Variants in RIT2 observed in about 807,000 individuals in gnomAD.
RIT2 encodes GTP-binding protein Rit2.
In RIT2, 24 loss-of-function variants were observed where a neutral mutation model predicts 23.7. The observed-to-expected ratio is 1.01, with a 90% CI of 0.73 to 1.43. The LOEUF (loss-of-function observed/expected upper bound fraction) is 1.43. Ranked by LOEUF, RIT2 falls within the 40% of genes most tolerant of loss-of-function variation. The pLI is 0.00. For missense variants in RIT2, 236 were observed against 266.9 expected (o/e 0.88, Z 0.81); for synonymous variants, 107 against 91.1 (o/e 1.17, Z -0.99).
At chr18:42,849,785 C>A (rs1156646871) in intron 4 of RIT2, among the ~76,000 whole-genome samples, 3 of 152,040 alleles carry the variant, frequency 2.0e-5, no homozygotes, top group African/African-American at 7.2e-5. Context: ...TAACCCAATC[C>A]AGCTTGATGA....
chr18:42,929,034 G>GATAGATATATATATATAT (rs1555647354), intron 3 of RIT2, among the ~76,000 whole-genome samples: 5 of 96,954 alleles, frequency 5.2e-5, no homozygotes, highest in African/African-American at 1.6e-4. Context: ...AAAATATGGA[G>GATAGATATATATATATAT]ATATATATAT....
intron 1 of RIT2, among the ~76,000 whole-genome samples, chr18:43,056,210 A>G (rs942268579): frequency 1.3e-5 from 2 of 152,054 alleles, no homozygotes; most frequent in Admixed American, 1.3e-4. Flanking sequence ...ACAATACTAT[A>G]TTTAATATTT....
chr18:42,797,708 C>T (rs1396774850), intron 4 of RIT2, among the ~76,000 whole-genome samples: 1 of 151,950 alleles, frequency 6.6e-6, no homozygotes. Context: ...CCTCATTAGC[C>T]GAGTTCGACA....
At chr18:42,999,090 C>T (rs981823433) in intron 2 of RIT2, among the ~76,000 whole-genome samples, 86 of 151,982 alleles carry the variant, frequency 5.7e-4, no homozygotes, top group African/African-American at 1.9e-3. Context: ...ACCCCTTTCC[C>T]GTCTCGAAGA....
At chr18:43,065,475 G>C (rs1912751171) in intron 1 of RIT2, among the ~76,000 whole-genome samples, 1 of 151,736 alleles carries the variant, frequency 6.6e-6, no homozygotes, top group South Asian at 2.1e-4. Context: ...ATTTTTTTCT[G>C]TTTTTATTTT....
chr18:42,928,703 TTCTCAGTCTCAATCTG>T (rs1909246089), intron 3 of RIT2, among the ~76,000 whole-genome samples: 1 of 152,022 alleles, frequency 6.6e-6, no homozygotes, highest in Admixed American at 6.6e-5. Flanking sequence ...GAGTGGTAGT[TTCTCAGTCTCAATCTG>T]ATGCCTTAAA....
At chr18:43,001,629 T>C (rs556672167) in intron 2 of RIT2, among the ~76,000 whole-genome samples, 1 of 152,146 alleles carries the variant, frequency 6.6e-6, no homozygotes, top group African/African-American at 2.4e-5. Context: ...TAGTTGAAAC[T>C]AGAAATTGAA....
At chr18:42,946,542 AT>A (rs1568037016) in intron 3 of RIT2, among the ~76,000 whole-genome samples, 1 of 151,904 alleles carries the variant, frequency 6.6e-6, no homozygotes, top group African/African-American at 2.4e-5. Context: ...ATTCTGAGAG[AT>A]TTCAAGGGGT....
At chr18:42,820,135 C>G (rs1598667445) in intron 4 of RIT2, among the ~76,000 whole-genome samples, 1 of 152,124 alleles carries the variant, frequency 6.6e-6, no homozygotes. Context: ...TTTTGATCCA[C>G]TCTTGGCTGA....
At chr18:43,026,573 TA>T (rs749731254) in intron 2 of RIT2, among the ~76,000 whole-genome samples, 1 of 77,360 alleles carries the variant, frequency 1.3e-5, no homozygotes, top group African/African-American at 4.4e-5. Flanking sequence ...AAGAAATAAA[TA>T]AGAAAGAAAG....
At chr18:42,855,555 A>G (rs1220631451) in intron 4 of RIT2, among the ~76,000 whole-genome samples, 1 of 152,188 alleles carries the variant, frequency 6.6e-6, no homozygotes, top group Non-Finnish European at 1.5e-5. Flanking sequence ...CCAACCTGTA[A>G]GTAGAAAGGG....
intron 1 of RIT2, among the ~76,000 whole-genome samples, chr18:43,057,627 CA>C (rs1177609363): frequency 6.6e-6 from 1 of 151,466 alleles, no homozygotes; most frequent in Non-Finnish European, 1.5e-5. Context: ...ATTAAACTGG[CA>C]TTCCATATTT....
intron 2 of RIT2, among the ~76,000 whole-genome samples, chr18:43,001,636 T>G (rs918055304): frequency 3.9e-5 from 6 of 152,000 alleles, no homozygotes; most frequent in Non-Finnish European, 4.4e-5. Context: ...AACTAGAAAT[T>G]GAATGAGAAA....
intron 3 of RIT2, among the ~76,000 whole-genome samples, chr18:42,927,788 A>G (rs1257767928): frequency 6.6e-6 from 1 of 152,064 alleles, no homozygotes; most frequent in Non-Finnish European, 1.5e-5. Flanking sequence ...ACAACATTCC[A>G]GTATGATCAG....
intron 1 of RIT2, among the ~76,000 whole-genome samples, chr18:43,072,181 T>C (rs1912914406): frequency 6.6e-6 from 1 of 152,052 alleles, no homozygotes; most frequent in African/African-American, 2.4e-5. Context: ...AGACGGGGTT[T>C]TACCATGTTG....
chr18:42,860,590 A>G (rs767885722), intron 4 of RIT2, among the ~76,000 whole-genome samples: 8 of 152,130 alleles, frequency 5.3e-5, no homozygotes, highest in Non-Finnish European at 1.2e-4. Flanking sequence ...TTGATCTCCA[A>G]TTAGGAAGAG....
intron 4 of RIT2, among the ~76,000 whole-genome samples, chr18:42,811,692 A>T (rs1282467199): frequency 6.6e-6 from 1 of 152,146 alleles, no homozygotes; most frequent in Non-Finnish European, 1.5e-5. Flanking sequence ...TGTCATGTCA[A>T]TCCAAATATT....
intron 2 of RIT2, among the ~76,000 whole-genome samples, chr18:42,974,583 G>T (rs1251536751): frequency 2.0e-5 from 3 of 151,686 alleles, no homozygotes; most frequent in Non-Finnish European, 4.4e-5. Flanking sequence ...AGAACAATTA[G>T]GCAAGAAGAA....
chr18:42,816,413 C>T (rs1042148335), intron 4 of RIT2, among the ~76,000 whole-genome samples: 2 of 152,074 alleles, frequency 1.3e-5, no homozygotes, highest in African/African-American at 4.8e-5. Context: ...CCATCATGCT[C>T]AAATAGTATT....
Sources: allele counts gnomAD v4.1 joint callset (sites outside exome capture counted in the v4.1 genomes callset), GRCh38; gene constraint gnomAD v4.1.1; transcripts MANE v1.5; gene names NCBI Gene and HGNC (gene_info 2026-07-23, HGNC 2026-07-21).